Variants in DGKI observed in about 807,000 individuals in gnomAD.
The protein encoded by DGKI is diacylglycerol kinase iota, also known as DAG kinase iota.
A neutral mutation model predicts 147.5 loss-of-function variants in DGKI; 55 were observed. The ratio of observed to expected loss-of-function variants is 0.37; its 90% CI spans 0.30 to 0.47. The LOEUF is 0.47. Among genes scored for constraint, DGKI ranks in the 20% least tolerant of loss-of-function variants. DGKI has a pLI of 1.00. For missense variants in DGKI, 1,007 were observed against 1,323.8 expected (o/e 0.76, Z 3.71); for synonymous variants, 469 against 477.1 (o/e 0.98, Z 0.22).
At chr7:137,426,828 T>G (rs1052618742) in intron 28 of DGKI, among the ~76,000 whole-genome samples, 96 of 152,050 alleles carry the variant, frequency 6.3e-4, no homozygotes, top group African/African-American at 2.1e-3. Context: ...GGTAAAGGGA[T>G]CAATTCAACA....
intron 6 of DGKI, among the ~76,000 whole-genome samples, chr7:137,638,538 A>ATATG (rs1821458303): frequency 8.4e-6 from 1 of 119,654 alleles, no homozygotes; most frequent in Non-Finnish European, 1.7e-5. Flanking sequence ...ACACACATAT[A>ATATG]TGTATATATA....
At position 137,737,226 on chromosome 7, in the gene DGKI, A is replaced by G. The variant is rs1795050043; in HGVS notation, c.402-47224T>C. On this transcript the variant is annotated intron_variant, in intron 1 of 32. Transcript: ENST00000614521. ...CACCAAAAAAAAAAAAAAAAAAAAA[A>G]TACATACAAATTTTCAAAGCAGAAA... Among the ~76,000 whole-genome samples the G allele has an allele frequency of 9.1e-5, 13 of 142,870 alleles. No homozygotes were observed. In the South Asian group the frequency reaches 2.9e-3, roughly 31 times the overall value. 93.7% of individuals were successfully genotyped at this position (142,870 alleles called of 152,430 possible).
At chr7:137,635,013 G>A (rs1274562374) in intron 6 of DGKI, among the ~76,000 whole-genome samples, 3 of 152,174 alleles carry the variant, frequency 2.0e-5, no homozygotes, top group Admixed American at 6.5e-5. Flanking sequence ...AGGAGGTCTA[G>A]GGAAGAGGTA....
chr7:137,409,990 G>A (rs773535562), intron 29 of DGKI, among the ~76,000 whole-genome samples: 6 of 151,924 alleles, frequency 3.9e-5, no homozygotes, highest in Admixed American at 6.6e-5. Flanking sequence ...TCAGAAGAAA[G>A]AAACAAAAGA....
chr7:137,400,908 G>A (rs963778620), intron 30 of DGKI, among the ~76,000 whole-genome samples: 1 of 152,190 alleles, frequency 6.6e-6, no homozygotes, highest in African/African-American at 2.4e-5. Context: ...GCAGCCAGCT[G>A]ACTACAGATG....
At chr7:137,747,320 T>C (rs1359270096) in intron 1 of DGKI, among the ~76,000 whole-genome samples, 1 of 152,178 alleles carries the variant, frequency 6.6e-6, no homozygotes. Flanking sequence ...GCAGAAGTAA[T>C]ATGTAATGTG....
At chr7:137,835,310 G>A (rs973884565) in intron 1 of DGKI, among the ~76,000 whole-genome samples, 2 of 152,060 alleles carry the variant, frequency 1.3e-5, no homozygotes, top group Admixed American at 1.3e-4. Context: ...AACCGTGTGC[G>A]GCTCACGGAA....
At chr7:137,569,728 C>CAAAAAAAAAAAAAAAAAAAAAAAAAAA (rs60719355) in intron 19 of DGKI, among the ~76,000 whole-genome samples, 2 of 64,612 alleles carry the variant, frequency 3.1e-5, no homozygotes, top group Non-Finnish European at 2.9e-5. Context: ...GACTCTGTCT[C>CAAAAAAAAAAAAAAAAAAAAAAAAAAA]AAAAAAAAAA....
At chr7:137,838,474 T>A (rs1033530945) in intron 1 of DGKI, among the ~76,000 whole-genome samples, 2 of 152,172 alleles carry the variant, frequency 1.3e-5, no homozygotes, top group African/African-American at 4.8e-5. Context: ...GCTCTTTTTA[T>A]CTTTCAACAA....
chr7:137,597,746 G>C (rs897547449), intron 12 of DGKI, 101 bp downstream of exon 12: 7 of 1,069,850 alleles, frequency 6.5e-6, no homozygotes, highest in Non-Finnish European at 8.5e-6. Context: ...ACATGTGTTA[G>C]GGGATTAGAA....
intron 3 of DGKI, among the ~76,000 whole-genome samples, chr7:137,669,721 G>C (rs959172616): frequency 1.3e-4 from 20 of 152,116 alleles, no homozygotes; most frequent in African/African-American, 4.6e-4. Flanking sequence ...TTAGTATAAA[G>C]GCAAAAGAAC....
At chr7:137,418,702 G>GCAGTCAGCTAACTC (rs971970936) in intron 28 of DGKI, among the ~76,000 whole-genome samples, 4 of 151,796 alleles carry the variant, frequency 2.6e-5, no homozygotes, top group African/African-American at 9.7e-5. Context: ...GCCCATAGTA[G>GCAGTCAGCTAACTC]CAGTCAGCTA....
intron 10 of DGKI, among the ~76,000 whole-genome samples, chr7:137,603,846 T>C (rs1820080559): frequency 1.3e-5 from 2 of 152,202 alleles, no homozygotes; most frequent in South Asian, 4.1e-4. Flanking sequence ...TTCTGAACCA[T>C]GAGACAGGGA....
chr7:137,770,923 A>G, intron 1 of DGKI, among the ~76,000 whole-genome samples: 1 of 152,212 alleles, frequency 6.6e-6, no homozygotes, highest in East Asian at 1.9e-4. Flanking sequence ...AACCAAAAAA[A>G]TCAGAAAGAG....
intron 12 of DGKI, among the ~76,000 whole-genome samples, chr7:137,588,008 T>C (rs74851450): frequency 0.1 from 15,974 of 152,234 alleles, 1,017 homozygotes; most frequent in African/African-American, 0.18. Flanking sequence ...TGAATGTCCT[T>C]ATAATGTCAT....
At chr7:137,796,046 C>T (rs74482009) in intron 1 of DGKI, among the ~76,000 whole-genome samples, 13,805 of 152,172 alleles carry the variant, frequency 0.091, 735 homozygotes, top group Admixed American at 0.13. Flanking sequence ...TCCAAGGATG[C>T]TCTATTATAT....
intron 24 of DGKI, among the ~76,000 whole-genome samples, chr7:137,468,091 AG>A (rs1362478018): frequency 1.4e-4 from 21 of 152,196 alleles, no homozygotes; most frequent in African/African-American, 5.1e-4. Context: ...CAAAACAAAC[AG>A]CACAAGAAAG....
chr7:137,482,824 T>C (rs7788161), intron 23 of DGKI, among the ~76,000 whole-genome samples: 17,655 of 151,920 alleles, frequency 0.12, 1,193 homozygotes, highest in African/African-American at 0.19. Context: ...GTTCCAACCA[T>C]TCCTTCATGC....
chr7:137,466,401 C>G (rs1814661082), intron 25 of DGKI, among the ~76,000 whole-genome samples: 1 of 152,192 alleles, frequency 6.6e-6, no homozygotes, highest in Admixed American at 6.5e-5. Flanking sequence ...GCATGGTTAA[C>G]AACTTTATCA....
Sources: gnomAD v4.1 joint callset for allele counts (sites outside exome capture counted in the v4.1 genomes callset) on GRCh38, gnomAD v4.1.1 for gene constraint, MANE v1.5 for transcripts, NCBI Gene and HGNC (gene_info 2026-07-23, HGNC 2026-07-21) for gene names.